AARS2: variants seen among roughly 807,000 people sequenced by gnomAD.
AARS2 encodes alanyl-tRNA synthetase 2, mitochondrial.
In AARS2, 78 loss-of-function variants were observed where a neutral mutation model predicts 119.7. The observed-to-expected ratio is 0.65, with a 90% CI of 0.54 to 0.79. The LOEUF (loss-of-function observed/expected upper bound fraction) is 0.79, where lower values mean the gene tolerates loss of function less well. Among genes scored for constraint, AARS2 ranks in the 30% least tolerant of loss-of-function variants. AARS2 has a pLI of 0.00. For synonymous variants in AARS2, 502 were observed against 526.3 expected (o/e 0.95, Z 0.63); for missense variants, 1,157 against 1,291.3 (o/e 0.90, Z 1.59).
intron 2 of AARS2, among the ~76,000 whole-genome samples, chr6:44,311,833 A>G (rs1356993856): frequency 1.3e-5 from 2 of 152,228 alleles, no homozygotes; most frequent in African/African-American, 4.8e-5. Flanking sequence ...GCACCTTAGC[A>G]TTGCTGTTTG....
intron 5 of AARS2, among the ~76,000 whole-genome samples, chr6:44,308,254 C>A (rs139420111): frequency 6.6e-6 from 1 of 152,152 alleles, no homozygotes; most frequent in East Asian, 1.9e-4. Context: ...AAGTGTACAT[C>A]AGGCTGGGCG....
At chr6:44,308,505 C>T (rs1220582023) in intron 5 of AARS2, among the ~76,000 whole-genome samples, 2 of 151,644 alleles carry the variant, frequency 1.3e-5, no homozygotes, top group Non-Finnish European at 2.9e-5. Context: ...TGCCACTGCA[C>T]TCCAGCCTGG....
chr6:44,301,603 G>A (rs753287127), intron 19 of AARS2, 139 bp from the exon 20 acceptor site: 22 of 838,306 alleles, frequency 2.6e-5, no homozygotes, highest in Non-Finnish European at 3.9e-5. Flanking sequence ...CTAGGCAGAG[G>A]TGGCAGGGAC....
Position 44,304,184 on chromosome 6 carries a change from G to T in AARS2, c.2004C>A (p.Thr668=). 1 of 1,613,460 alleles carries T rather than the reference G, an allele frequency of 6.2e-7. No individual in the cohort carries two copies. Among genetic ancestry groups the T allele is most frequent in the South Asian group, 1.1e-5 (1 of 91,054 alleles). The part of the protein sequence containing the change: ...NPEQLRLDVT[T]QTPLTPEQLR... ...TGTCTTTCTATGCCGGGCTCACCTGGGTGGTCACATCCAAGCGCAGCTGCT... is the reference window on the plus strand; with the variant it reads ...TGTCTTTCTATGCCGGGCTCACCTGTGTGGTCACATCCAAGCGCAGCTGCT... Residue 668 remains threonine (T), a synonymous_variant, in exon 14 of 22, where the codon ACC becomes ACA. Coordinates refer to ENST00000244571, the MANE Select transcript of AARS2 (RefSeq NM_020745.4).
chr6:44,304,345 G>A (rs377713813), intron 13 of AARS2, 24 bp from the exon 14 acceptor site: 72 of 1,614,074 alleles, frequency 4.5e-5, no homozygotes, highest in East Asian at 2.7e-4. Flanking sequence ...GTCACCCAGC[G>A]TCCTGGGTGA....
At position 44,302,705 on chromosome 6, in the gene AARS2, G is replaced by A. The variant is rs762851578; in HGVS notation, c.2364+97C>T. 3.1e-5 allele frequency: 45 copies of A among 1,455,736 alleles called. No individual in the cohort carries two copies. In the Middle Eastern group the frequency reaches 1.2e-3, roughly 40 times the overall value. The allele number at this position is 1,455,736 out of a possible 1,614,324, so 90.2% of individuals were successfully genotyped here. A position where few individuals can be genotyped will look rare whatever the true frequency, so the allele number is the denominator to read the frequency against. ...CATTGGTGTCCAAGTATGAACACTG[G>A]CTCTGCTGCTGGGCACCCCTGAGCC... On this transcript the variant is annotated intron_variant, in intron 17 of 21. Coordinates refer to ENST00000244571, the MANE Select transcript of AARS2 (RefSeq NM_020745.4).
chr6:44,300,910 C>T, intron 21 of AARS2, 199 bp from the exon 22 acceptor site: 1 of 751,740 alleles, frequency 1.3e-6, no homozygotes. Flanking sequence ...TGAACATCTG[C>T]TACTTGTTTA....
chr6:44,304,363 G>A lies in AARS2; in HGVS notation c.1867-42C>T, dbSNP rs200551172. 1.9e-4 allele frequency: 303 copies of A among 1,614,188 alleles called. 2 individuals carry two copies. The African/African-American group carries it at 3.5e-3, about 19-fold the overall frequency. ...ACCCAGCGTCCTGGGTGAGGGCAGG[G>A]GGTTGGGAGAGTGAAGGGGCTGCAG... is the stretch of plus-strand genomic sequence containing the variant. On this transcript the variant is annotated intron_variant, in intron 13 of 21. Coordinates refer to ENST00000244571, the MANE Select transcript of AARS2 (RefSeq NM_020745.4).
In AARS2 at chr6:44,307,427, C is replaced by A. The variant is rs1401521048; in HGVS notation, c.895-33G>T. The A allele has an allele frequency of 1.3e-6, 2 of 1,573,530 alleles. No homozygotes were observed. The highest frequency in any genetic ancestry group is 1.3e-5 in the African/African-American group (1 of 74,604). On this transcript the variant is annotated intron_variant, in intron 5 of 21. Coordinates refer to ENST00000244571, the MANE Select transcript of AARS2 (RefSeq NM_020745.4). This position sits in a 1 kb window ranked among gnomAD's most constrained non-coding sequence, Gnocchi z 4.4. ...GCAGAAGAGTCAGCCAGTGGCCCTG[C>A]CTGACCTGGCCCAGGTGGGTGCTCT...
intron 14 of AARS2, 62 bp downstream of exon 14, chr6:44,304,119 A>G: frequency 6.2e-7 from 1 of 1,608,870 alleles, no homozygotes; most frequent in Non-Finnish European, 8.5e-7. Flanking sequence ...CGCTCACAGC[A>G]GGCTGTCTCT....
In AARS2 at chr6:44,300,438, T is replaced by C; in HGVS notation, c.*109A>G. ...AGGTGATCTTCTTTGGCTCAGCTGC[T>C]TGGCCTCCAGCCTCTAGTCCTCGCT... On this transcript the variant is annotated 3_prime_UTR_variant, in exon 22 of 22. Coordinates refer to ENST00000244571, the MANE Select transcript of AARS2 (RefSeq NM_020745.4). 1.3e-6 allele frequency: 2 copies of C among 1,511,748 alleles called. No individual in the cohort carries two copies. The highest frequency in any genetic ancestry group is 1.8e-6 in the Non-Finnish European group (2 of 1,093,288). 93.6% of individuals were successfully genotyped at this position (1,511,748 alleles called of 1,614,324 possible). A position where few individuals can be genotyped will look rare whatever the true frequency, so the allele number is the denominator to read the frequency against.
At chr6:44,302,597 T>C in intron 17 of AARS2, 84 bp from the exon 18 acceptor site, 8 of 1,599,966 alleles carry the variant, frequency 5.0e-6, no homozygotes, top group Non-Finnish European at 6.8e-6. Context: ...CAGGGACAAA[T>C]AAGATTTAAC....
intron 21 of AARS2, 73 bp downstream of exon 21, chr6:44,301,083 A>T: frequency 7.4e-7 from 1 of 1,356,468 alleles, no homozygotes; most frequent in Non-Finnish European, 1.0e-6. Context: ...GAGGAATTAA[A>T]GGTGTAAAAT....
Position 44,304,731 on chromosome 6 carries a change from C to T in AARS2, c.1666G>A (p.Gly556Ser). The change falls in exon 12 of 22, where the codon GGC becomes AGC. Residue 556 changes from glycine to serine, a missense_variant. Gly to Ser is a moderately conservative substitution (Grantham distance 56). Coordinates refer to ENST00000244571, the MANE Select transcript of AARS2 (RefSeq NM_020745.4). Reference protein sequence around the residue: ...VASVGKGQRCGLLLDRTNFYA... With the variant: ...VASVGKGQRCSLLLDRTNFYA... ...AAGTTGGTCCTGTCCAAGAGGAGGC[C>T]ACAGCGCTGGCCTTTCCCCACGGAG... is the stretch of plus-strand genomic sequence containing the variant. The T allele has an allele frequency of 6.2e-7, 1 of 1,614,222 alleles. No homozygotes were observed. Among genetic ancestry groups the T allele is most frequent in the Non-Finnish European group, 8.5e-7 (1 of 1,180,040 alleles).
In AARS2 at chr6:44,307,366, C is replaced by T. The variant is rs368473952; in HGVS notation, c.923G>A (p.Arg308Gln). The T allele has an allele frequency of 5.6e-6, 9 of 1,608,856 alleles. No individual in the cohort carries two copies. The highest frequency in any genetic ancestry group is 4.0e-5 in the African/African-American group (3 of 74,896). The change falls in exon 6 of 22, where the codon CGA becomes CAA. Residue 308 changes from arginine (R) to glutamine (Q), a missense_variant. Physicochemically the swap from Arg to Gln is conservative, Grantham distance 43. Transcript: ENST00000244571. This position sits in a 1 kb window ranked among gnomAD's most constrained non-coding sequence, Gnocchi z 4.4. ...QGCRAPPYLG[R>Q]VGVADEGRTD... Reference sequence around the variant, plus strand: ...GCGCCCCTCGTCTGCCACCCCTACTCGGCCCAAGTAAGGGGGTGCCCTGCA... The same window carrying T: ...GCGCCCCTCGTCTGCCACCCCTACTTGGCCCAAGTAAGGGGGTGCCCTGCA...
rs201075664 is a variant in AARS2 at position 44,304,289 on chromosome 6, C to T, written c.1899G>A (p.Thr633=). Residue 633 remains threonine, a synonymous_variant, in exon 14 of 22, where the codon ACG becomes ACA. Coordinates refer to ENST00000244571, the MANE Select transcript of AARS2 (RefSeq NM_020745.4). The part of the protein sequence containing the change: ...AWRLGCMAKH[T]ATHLLNWALR... ...GTGCCCAGTTCAGCAGGTGGGTGGC[C>T]GTATGCTTCGCCATGCAGCCTAGAC... 34 of 1,614,052 alleles carry T rather than the reference C, an allele frequency of 2.1e-5. No homozygotes were observed. Among genetic ancestry groups the T allele is most frequent in the South Asian group, 8.8e-5 (8 of 91,086 alleles).
Position 44,302,189 on chromosome 6 carries a change from C to T in AARS2, c.2488-19G>A, listed in dbSNP as rs548669358. On this transcript the variant is annotated intron_variant, in intron 18 of 21. Coordinates refer to ENST00000244571, the MANE Select transcript of AARS2 (RefSeq NM_020745.4). Reference sequence around the variant, plus strand: ...CCACAGCCTATGGCCAGAAGCAGTACATCACCCCTGCCCTTCCCTGAGCCA... The same window carrying T: ...CCACAGCCTATGGCCAGAAGCAGTATATCACCCCTGCCCTTCCCTGAGCCA... The T allele has an allele frequency of 3.1e-5, 50 of 1,613,766 alleles. No individual in the cohort carries two copies. Among genetic ancestry groups the T allele is most frequent in the Non-Finnish European group, 4.2e-5 (49 of 1,179,768 alleles).
chr6:44,300,791 A>T, intron 21 of AARS2, 80 bp from the exon 22 acceptor site: 1 of 1,539,224 alleles, frequency 6.5e-7, no homozygotes, highest in African/African-American at 1.4e-5. Context: ...TCAAGAGTGG[A>T]GCTGAAGGTC....
chr6:44,304,543 G>T lies in AARS2; in HGVS notation c.1753-10C>A, dbSNP rs757427721. On this transcript the variant is annotated splice_polypyrimidine_tract_variant and intron_variant, in intron 12 of 21. Transcript: ENST00000244571. Reference sequence around the variant, plus strand: ...CTGGGAACAGCACGTCCTGAGGGAGGGTAGTGGTCAAGGTGCCTGTAGCCT... The same window carrying T: ...CTGGGAACAGCACGTCCTGAGGGAGTGTAGTGGTCAAGGTGCCTGTAGCCT... 6.2e-7 allele frequency: 1 copy of T among 1,613,970 alleles called. No homozygotes were observed. Among genetic ancestry groups the T allele is most frequent in the Non-Finnish European group, 8.5e-7 (1 of 1,179,986 alleles).
Sources: allele counts gnomAD v4.1 joint callset (sites outside exome capture counted in the v4.1 genomes callset), GRCh38; gene constraint gnomAD v4.1.1; non-coding constraint Gnocchi (gnomAD v3.1); transcripts MANE v1.5; gene names NCBI Gene and HGNC (gene_info 2026-07-23, HGNC 2026-07-21).